DYSF: variants seen among roughly 807,000 people sequenced by gnomAD.
DYSF encodes dysferlin, also known as dystrophy-associated fer-1-like 1.
Under a neutral mutation model 274.9 loss-of-function variants are expected in DYSF, and 212 were observed. The ratio of observed to expected loss-of-function variants is 0.77; its 90% CI spans 0.69 to 0.86. The LOEUF (loss-of-function observed/expected upper bound fraction) is 0.86, where lower values mean the gene tolerates loss of function less well. Among genes scored for constraint, DYSF ranks in the 40% least tolerant of loss-of-function variants. DYSF has a pLI of 0.00. For synonymous variants in DYSF, 1,091 were observed against 1,078.7 expected (o/e 1.01, Z -0.22); for missense variants, 2,666 against 2,783.2 (o/e 0.96, Z 0.95).
chr2:71,510,110 G>C (rs1339578796), intron 4 of DYSF, among the ~76,000 whole-genome samples: 1 of 152,206 alleles, frequency 6.6e-6, no homozygotes, highest in Non-Finnish European at 1.5e-5. Context: ...CATTCATTGA[G>C]CATTTCCTTC....
chr2:71,653,717 G>A, intron 42 of DYSF, among the ~76,000 whole-genome samples: 1 of 150,864 alleles, frequency 6.6e-6, no homozygotes, highest in African/African-American at 2.4e-5. Context: ...GTTAAATGAA[G>A]AGTTAATGGG....
chr2:71,660,622 C>A lies in DYSF; in HGVS notation c.4974C>A (p.Ile1658=), dbSNP rs113744167. 14 of 1,614,096 alleles carry A rather than the reference C, an allele frequency of 8.7e-6. No homozygotes were observed. The African/African-American group carries it at 1.3e-4, about 15-fold the overall frequency. ...KKSVSDQDNY[I]PCTLEPVFGK... Reference sequence around the variant, plus strand: ...CAGTGAGTGACCAGGATAACTACATCCCCTGCACGCTGGAGCCCGTATTTG... The same window carrying A: ...CAGTGAGTGACCAGGATAACTACATACCCTGCACGCTGGAGCCCGTATTTG... The change falls in exon 45 of 56, where the codon ATC becomes ATA. Residue 1658 remains isoleucine, a synonymous_variant. Coordinates refer to ENST00000410020, the MANE Select transcript of DYSF (RefSeq NM_001130987.2).
intron 42 of DYSF, among the ~76,000 whole-genome samples, chr2:71,654,828 C>G (rs1435008932): frequency 6.6e-6 from 1 of 152,018 alleles, no homozygotes; most frequent in African/African-American, 2.4e-5. Flanking sequence ...CCTGTAATCC[C>G]AGCACTTTGG....
At chr2:71,545,532 C>T (rs2090398092) in intron 17 of DYSF, among the ~76,000 whole-genome samples, 1 of 152,176 alleles carries the variant, frequency 6.6e-6, no homozygotes, top group African/African-American at 2.4e-5. Flanking sequence ...CTGTCTCCTG[C>T]ACAGGTAGAG....
At chr2:71,660,764 G>C in intron 45 of DYSF, 113 bp downstream of exon 45, 1 of 916,218 alleles carries the variant, frequency 1.1e-6, no homozygotes. Flanking sequence ...GAGCAAAACT[G>C]TATTCCTTAA....
At position 71,649,571 on chromosome 2, in the gene DYSF, A is replaced by G. The variant is rs13382892; in HGVS notation, c.4626+5508A>G. On this transcript the variant is annotated intron_variant, in intron 42 of 55. Coordinates refer to ENST00000410020, the MANE Select transcript of DYSF (RefSeq NM_001130987.2). ...ATAGAGGACTAAGTATTATCAGAATATATAAATGTATATAAATACTAGAAC... is the reference window on the plus strand; with the variant it reads ...ATAGAGGACTAAGTATTATCAGAATGTATAAATGTATATAAATACTAGAAC... 4.6e-3 allele frequency among the ~76,000 whole-genome samples: 702 copies of G among 152,274 alleles called. 3 individuals are homozygous for G. Among genetic ancestry groups the G allele is most frequent in the African/African-American group, 0.014 (582 of 41,568 alleles).
intron 31 of DYSF, 88 bp downstream of exon 31, chr2:71,589,774 A>T: frequency 7.7e-7 from 1 of 1,300,046 alleles, no homozygotes; most frequent in Non-Finnish European, 1.1e-6. Context: ...TCAGATGTGT[A>T]TGTGGGGCTC....
intron 1 of DYSF, among the ~76,000 whole-genome samples, chr2:71,478,378 A>AT (rs1422153399): frequency 1.6e-4 from 25 of 151,718 alleles, no homozygotes; most frequent in South Asian, 6.3e-4. Flanking sequence ...TGCCCGGCTA[A>AT]TTTTTTGTAT....
At position 71,531,230 on chromosome 2, in the gene DYSF, A is replaced by G. The variant is rs530952141; in HGVS notation, c.1380+2829A>G. 2.6e-5 allele frequency among the ~76,000 whole-genome samples: 4 copies of G among 152,198 alleles called. No homozygotes were observed. The Middle Eastern group carries it at 0.01, about 391-fold the overall frequency. On this transcript the variant is annotated intron_variant, in intron 14 of 55. Transcript: ENST00000410020. ...ATTACTGATAACATTGGTTTGTATT[A>G]CCTACCCTGTTACCTCCCCTCTTCC...
At chr2:71,483,394 G>C (rs2083095302) in intron 3 of DYSF, among the ~76,000 whole-genome samples, 1 of 152,238 alleles carries the variant, frequency 6.6e-6, no homozygotes, top group Non-Finnish European at 1.5e-5. Context: ...ACAGTGGGCA[G>C]TCCTCGAAGG....
Position 71,512,772 on chromosome 2 carries a change from C to T in DYSF, c.461-468C>T, listed in dbSNP as rs143050061. ...GCAGCCCATGTCTCAATTGAGTGTG[C>T]CCTGTGCCTGACCTGGGGCCAGCCC... On this transcript the variant is annotated intron_variant, in intron 5 of 55. Coordinates refer to ENST00000410020, the MANE Select transcript of DYSF (RefSeq NM_001130987.2). Among the ~76,000 whole-genome samples, 15 of 152,340 alleles carry T rather than the reference C, an allele frequency of 9.8e-5. No homozygotes were observed. The East Asian group carries it at 2.9e-3, about 29-fold the overall frequency.
upstream of DYSF, among the ~76,000 whole-genome samples, chr2:71,462,518 G>C (rs1253142785): frequency 3.9e-5 from 6 of 152,192 alleles, no homozygotes; most frequent in Non-Finnish European, 8.8e-5. Context: ...GGCTGTTTCA[G>C]CCTTGTTTGT....
At chr2:71,495,725 C>T (rs1215579303) in intron 3 of DYSF, among the ~76,000 whole-genome samples, 1 of 152,130 alleles carries the variant, frequency 6.6e-6, no homozygotes, top group Non-Finnish European at 1.5e-5. Flanking sequence ...GCTGCCCCAG[C>T]CCTGGTTCCT....
intron 13 of DYSF, 101 bp from the exon 14 acceptor site, chr2:71,528,197 G>T: frequency 1.9e-6 from 2 of 1,051,680 alleles, no homozygotes; most frequent in African/African-American, 1.6e-5. Context: ...AAAGCTTCTT[G>T]CTCAGGTAGT....
chr2:71,485,690 G>A (rs1380385579), intron 3 of DYSF, among the ~76,000 whole-genome samples: 1 of 152,160 alleles, frequency 6.6e-6, no homozygotes, highest in Admixed American at 6.5e-5. Flanking sequence ...CCAAAGACAA[G>A]CAGCAATACA....
At chr2:71,603,586 G>A (rs1328813159) in intron 36 of DYSF, among the ~76,000 whole-genome samples, 1 of 152,222 alleles carries the variant, frequency 6.6e-6, no homozygotes, top group African/African-American at 2.4e-5. Context: ...GCAGAGTCAG[G>A]ATGTGGGATC....
In DYSF at chr2:71,681,266, G is replaced by A. The variant is rs897186865; in HGVS notation, c.6173+156G>A. 5.9e-5 allele frequency among the ~76,000 whole-genome samples: 9 copies of A among 152,354 alleles called. No individual in the cohort carries two copies. In the South Asian group the frequency reaches 1.0e-3, roughly 18 times the overall value. On this transcript the variant is annotated intron_variant, in intron 54 of 55. Transcript: ENST00000410020. ...CCAAGGCCACACAGTAAGTTAGGGG[G>A]AAGGTGATGGGCATCTGTCCAGAGA...
intron 1 of DYSF, among the ~76,000 whole-genome samples, chr2:71,456,951 G>T (rs2081091725): frequency 6.6e-6 from 1 of 152,202 alleles, no homozygotes; most frequent in Non-Finnish European, 1.5e-5. Context: ...CTGAGTCAGA[G>T]TAGGGGGAGT....
intron 17 of DYSF, chr2:71,549,208 C>T (rs1368705675): frequency 5.6e-5 from 43 of 762,546 alleles, no homozygotes; most frequent in Non-Finnish European, 9.1e-5. Context: ...AGGGTGGGGC[C>T]TCGGGCCACA....
Sources: gnomAD v4.1 joint callset for allele counts (sites outside exome capture counted in the v4.1 genomes callset) on GRCh38, gnomAD v4.1.1 for gene constraint, MANE v1.5 for transcripts, NCBI Gene and HGNC (gene_info 2026-07-23, HGNC 2026-07-21) for gene names.